HMCN1: variants seen among roughly 807,000 people sequenced by gnomAD.
HMCN1 encodes the protein hemicentin-1.
In HMCN1, 321 loss-of-function variants were observed where a neutral mutation model predicts 625.9. That is an observed-to-expected ratio of 0.51 (90% CI 0.47 to 0.56). The LOEUF (loss-of-function observed/expected upper bound fraction) is 0.56. HMCN1 is among the 20% of genes least tolerant of loss of function. The probability of loss-of-function intolerance (pLI) is 0.00; values close to 1 mark genes in which losing one functional copy is unlikely to be tolerated. For synonymous variants in HMCN1, 2,425 were observed against 2,417.6 expected (o/e 1.00, Z -0.09); for missense variants, 6,588 against 6,887.3 (o/e 0.96, Z 1.54).
intron 4 of HMCN1, among the ~76,000 whole-genome samples, chr1:185,900,867 T>C (rs1185961170): frequency 6.6e-6 from 1 of 151,822 alleles, no homozygotes; most frequent in African/African-American, 2.4e-5. Flanking sequence ...TTGATGAAAC[T>C]TGCCTAAAAC....
At chr1:185,953,433 C>T (rs1432096002) in intron 11 of HMCN1, among the ~76,000 whole-genome samples, 4 of 151,794 alleles carry the variant, frequency 2.6e-5, no homozygotes, top group South Asian at 2.1e-4. Flanking sequence ...AGTCCATGAC[C>T]GGCACCGGAG....
chr1:186,061,756 A>G (rs1657718411), intron 46 of HMCN1, 95 bp from the exon 47 acceptor site: 2 of 757,498 alleles, frequency 2.6e-6, no homozygotes, highest in Non-Finnish European at 2.2e-6. Flanking sequence ...AAGCATACTG[A>G]TTAAATTTTT....
At chr1:185,938,709 A>C (rs1667938612) in intron 11 of HMCN1, among the ~76,000 whole-genome samples, 1 of 152,046 alleles carries the variant, frequency 6.6e-6, no homozygotes, top group Middle Eastern at 3.4e-3. Context: ...GTGGCCCTTC[A>C]CCATCACTTT....
At chr1:185,942,609 A>G (rs1029217894) in intron 11 of HMCN1, among the ~76,000 whole-genome samples, 1 of 152,204 alleles carries the variant, frequency 6.6e-6, no homozygotes, top group Non-Finnish European at 1.5e-5. Context: ...ACTATGGTCA[A>G]TTTCAATTTA....
Position 186,065,144 on chromosome 1 carries a change from G to A in HMCN1, c.7514-94G>A, listed in dbSNP as rs1658024447. 8 of 926,292 alleles carry A rather than the reference G, an allele frequency of 8.6e-6. No homozygotes were observed. The Admixed American group carries it at 1.5e-4, about 18-fold the overall frequency. 57.4% of individuals were successfully genotyped at this position (926,292 alleles called of 1,614,324 possible). A position where few individuals can be genotyped will look rare whatever the true frequency, so the allele number is the denominator to read the frequency against. On this transcript the variant is annotated intron_variant, in intron 48 of 106. Transcript: ENST00000271588. The stretch of plus-strand genomic sequence containing the variant: ...CTGCCGTGTTTTAGACATGGGATAT[G>A]TAGGAAGACAAATGAGTGAAAACCT...
intron 68 of HMCN1, among the ~76,000 whole-genome samples, chr1:186,099,008 C>G (rs972845458): frequency 3.3e-5 from 5 of 151,874 alleles, no homozygotes; most frequent in African/African-American, 9.7e-5. Context: ...CAGTGGTTAC[C>G]AAAGACAAGG....
At chr1:185,924,806 T>C (rs1667191114) in intron 8 of HMCN1, among the ~76,000 whole-genome samples, 1 of 152,168 alleles carries the variant, frequency 6.6e-6, no homozygotes, top group South Asian at 2.1e-4. Flanking sequence ...TTAAAAACTA[T>C]GATGTCTTAG....
intron 93 of HMCN1, 59 bp downstream of exon 93, chr1:186,145,982 A>C: frequency 6.4e-7 from 1 of 1,555,556 alleles, no homozygotes; most frequent in Non-Finnish European, 8.8e-7. Context: ...AATTAGAGAA[A>C]GGTGCCACAA....
chr1:186,134,016 C>T (rs952888976), intron 86 of HMCN1, among the ~76,000 whole-genome samples: 1 of 151,976 alleles, frequency 6.6e-6, no homozygotes, highest in Admixed American at 6.6e-5. Flanking sequence ...GTAGGTAGAA[C>T]ACTACACAAT....
At chr1:185,993,732 C>T (rs903790641) in intron 23 of HMCN1, among the ~76,000 whole-genome samples, 4 of 152,180 alleles carry the variant, frequency 2.6e-5, no homozygotes, top group African/African-American at 9.6e-5. Flanking sequence ...TTTCCTAGGA[C>T]TCTTTGACTA....
chr1:186,019,370 C>G (rs1450699341), intron 34 of HMCN1, among the ~76,000 whole-genome samples, 171 bp from the exon 35 acceptor site: 1 of 151,650 alleles, frequency 6.6e-6, no homozygotes, highest in Non-Finnish European at 1.5e-5. Flanking sequence ...AATCTATAAA[C>G]TTGCTAAAAA....
At chr1:186,127,532 G>C (rs1661706899) in intron 82 of HMCN1, among the ~76,000 whole-genome samples, 1 of 152,062 alleles carries the variant, frequency 6.6e-6, no homozygotes, top group Non-Finnish European at 1.5e-5. Context: ...TAGTGTCCTG[G>C]AAACCATGTA....
chr1:185,882,387 T>C (rs1664363816), intron 4 of HMCN1, among the ~76,000 whole-genome samples: 1 of 152,120 alleles, frequency 6.6e-6, no homozygotes, highest in Non-Finnish European at 1.5e-5. Context: ...ATTCTTTGAT[T>C]TTGCAGCTAA....
chr1:186,031,097 A>G (rs993071178), intron 36 of HMCN1, among the ~76,000 whole-genome samples: 2 of 151,944 alleles, frequency 1.3e-5, no homozygotes, highest in African/African-American at 4.8e-5. Flanking sequence ...AGTTACCTCT[A>G]CCAGTGAACT....
chr1:185,961,057 C>T (rs190083537), intron 11 of HMCN1, among the ~76,000 whole-genome samples: 110 of 152,022 alleles, frequency 7.2e-4, no homozygotes, highest in South Asian at 1.5e-3. Context: ...GTTCATGGAC[C>T]GGAAAAAATC....
intron 57 of HMCN1, among the ~76,000 whole-genome samples, chr1:186,084,713 G>A (rs1301209121): frequency 6.6e-6 from 1 of 151,844 alleles, no homozygotes; most frequent in East Asian, 1.9e-4. Flanking sequence ...TAAAAGCTGA[G>A]CAACATATAA....
chr1:185,978,403 T>C (rs944899460), intron 16 of HMCN1, among the ~76,000 whole-genome samples: 11 of 152,146 alleles, frequency 7.2e-5, no homozygotes, highest in African/African-American at 2.7e-4. Flanking sequence ...GGAATCTCCT[T>C]TATTAAAAGC....
At chr1:185,959,373 A>G (rs576812406) in intron 11 of HMCN1, among the ~76,000 whole-genome samples, 2 of 152,256 alleles carry the variant, frequency 1.3e-5, no homozygotes, top group African/African-American at 4.8e-5. Context: ...GGCTGTTTTC[A>G]TGGCCACTTA....
At chr1:186,130,412 C>A in intron 84 of HMCN1, 95 bp from the exon 85 acceptor site, 1 of 1,292,328 alleles carries the variant, frequency 7.7e-7, no homozygotes, top group Non-Finnish European at 1.1e-6. Context: ...CTTTACTCCC[C>A]TCTTTACTAA....
Sources: allele counts gnomAD v4.1 joint callset (sites outside exome capture counted in the v4.1 genomes callset), GRCh38; gene constraint gnomAD v4.1.1; transcripts MANE v1.5; gene names NCBI Gene and HGNC (gene_info 2026-07-23, HGNC 2026-07-21).